The following SULT2B1 variants were observed in gnomAD, a reference collection of about 807,000 sequenced individuals.
SULT2B1 encodes sulfotransferase family 2B member 1.
A neutral mutation model predicts 33.2 loss-of-function variants in SULT2B1; 16 were observed. The observed-to-expected ratio is 0.48, with a 90% confidence interval of 0.33 to 0.73. The LOEUF is 0.73. SULT2B1 is among the 30% of genes least tolerant of loss of function. SULT2B1 has a pLI of 0.02. For missense variants in SULT2B1, 500 were observed against 506.0 expected, an observed-to-expected ratio of 0.99 and a Z score of 0.11; for synonymous variants, 186 against 200.5, an observed-to-expected ratio of 0.93 and a Z score of 0.61.
At chr19:48,564,026 G>A (rs780812032) in intron 1 of SULT2B1, among the ~76,000 whole-genome samples, 1 of 150,624 alleles carries the variant, frequency 6.6e-6, no homozygotes, top group African/African-American at 2.4e-5. Flanking sequence ...GGTTGATCAC[G>A]AAGTCAGGAG....
chr19:48,587,126 A>G, intron 2 of SULT2B1, 103 bp from the exon 3 acceptor site: 1 of 872,310 alleles, frequency 1.1e-6, no homozygotes, highest in Admixed American at 2.4e-5. Context: ...AAAAATAATA[A>G]AAGGTGGCAA....
chr19:48,593,860 C>CT (rs1973676533), intron 5 of SULT2B1, among the ~76,000 whole-genome samples: 1 of 150,938 alleles, frequency 6.6e-6, no homozygotes, highest in African/African-American at 2.4e-5. Context: ...TCTTGAACTC[C>CT]TGACCTCAGG....
chr19:48,588,892 T>C (rs554002495), intron 3 of SULT2B1, among the ~76,000 whole-genome samples: 2 of 151,798 alleles, frequency 1.3e-5, no homozygotes, highest in Non-Finnish European at 2.9e-5. Context: ...CGGAGCCAAG[T>C]GAGCAAGTGG....
chr19:48,564,910 C>G (rs950723626), intron 1 of SULT2B1, among the ~76,000 whole-genome samples: 7 of 151,904 alleles, frequency 4.6e-5, no homozygotes, highest in Non-Finnish European at 1.0e-4. Context: ...TCTGCCTCAG[C>G]CTCCCGAGTA....
At chr19:48,575,085 ACT>A (rs1218907796) in intron 1 of SULT2B1, among the ~76,000 whole-genome samples, 2 of 136,548 alleles carry the variant, frequency 1.5e-5, no homozygotes, top group African/African-American at 5.5e-5. Flanking sequence ...ACTATGAGCT[ACT>A]CTCTGTTTTA....
At chr19:48,553,710 A>G (rs1435128618) in intron 1 of SULT2B1, among the ~76,000 whole-genome samples, 1 of 152,062 alleles carries the variant, frequency 6.6e-6, no homozygotes, top group Non-Finnish European at 1.5e-5. Context: ...GACTCCAGAG[A>G]CAGGAGCAGT....
intron 5 of SULT2B1, 43 bp downstream of exon 5, chr19:48,592,859 C>T (rs574872007): frequency 1.3e-6 from 2 of 1,499,590 alleles, no homozygotes; most frequent in South Asian, 1.2e-5. Context: ...CCCCCATACC[C>T]TCTGCTCACA....
At chr19:48,553,699 G>T (rs555106674) in intron 1 of SULT2B1, among the ~76,000 whole-genome samples, 1 of 152,242 alleles carries the variant, frequency 6.6e-6, no homozygotes, top group South Asian at 2.1e-4. Flanking sequence ...TGGGTGCCTG[G>T]GACTCCAGAG....
At chr19:48,572,884 C>T (rs558956593) in intron 1 of SULT2B1, among the ~76,000 whole-genome samples, 2 of 152,072 alleles carry the variant, frequency 1.3e-5, no homozygotes, top group Non-Finnish European at 2.9e-5. Flanking sequence ...CTGCTGGGCA[C>T]GGTGGCTCAT....
chr19:48,566,981 C>T lies in SULT2B1; in HGVS notation c.72-8960C>T, dbSNP rs142948747. ...TTGTGTCACTGCACTCCAACCTGGG[C>T]GATAGAGCAAGACTCTGTTTTAAAA... On this transcript the variant is annotated intron_variant, in intron 1 of 6. Transcript: ENST00000201586. Among the ~76,000 whole-genome samples, 752 of 151,660 alleles carry T rather than the reference C, an allele frequency of 5.0e-3. 3 individuals are homozygous for T. The highest frequency in any genetic ancestry group is 8.4e-3 in the Non-Finnish European group (571 of 67,928).
Position 48,599,368 on chromosome 19 carries a change from G to C in SULT2B1, c.1060G>C (p.Gly354Arg). 1.3e-6 allele frequency: 2 copies of C among 1,566,306 alleles called. No individual in the cohort carries two copies. The highest frequency in any genetic ancestry group is 1.7e-6 in the Non-Finnish European group (2 of 1,155,556). ...CAACTCCAGCCCCAGCCCCAGCCCC[G>C]GCCAGGCCTCTGAGACCCCGCACCC... ...RPNSSPSPSP[G>R]QASETPHPRP... The change falls in exon 7 of 7, where the codon GGC becomes CGC. Residue 354 changes from glycine (G) to arginine (R), a missense_variant. Coordinates refer to ENST00000201586, the MANE Select transcript of SULT2B1 (RefSeq NM_177973.2). The surrounding 1 kb of genome is among the most constrained non-coding windows in gnomAD (Gnocchi z 4.1).
rs115703666 is a variant in SULT2B1, at chr19:48,573,374, G to A, written c.72-2567G>A. 7.8e-3 allele frequency among the ~76,000 whole-genome samples: 1,192 copies of A among 152,122 alleles called. 12 individuals are homozygous for A. The highest frequency in any genetic ancestry group is 0.027 in the African/African-American group (1,125 of 41,500). On this transcript the variant is annotated intron_variant, in intron 1 of 6. Coordinates refer to ENST00000201586, the MANE Select transcript of SULT2B1 (RefSeq NM_177973.2). Reference sequence around the variant, plus strand: ...GATATCAGCACGCCAGGCCCTGGACGTGTTTTGTGGGAACAAACAGGCCTG... The same window carrying A: ...GATATCAGCACGCCAGGCCCTGGACATGTTTTGTGGGAACAAACAGGCCTG...
intron 2 of SULT2B1, among the ~76,000 whole-genome samples, chr19:48,582,905 C>T (rs987567207): frequency 6.7e-6 from 1 of 149,840 alleles, no homozygotes; most frequent in Non-Finnish European, 1.5e-5. Context: ...GTAATCCCAG[C>T]ACTTTGGGAG....
intron 1 of SULT2B1, among the ~76,000 whole-genome samples, chr19:48,567,617 A>G (rs2665605): frequency 0.13 from 20,500 of 152,114 alleles, 1,516 homozygotes; most frequent in African/African-American, 0.17. Flanking sequence ...GGAAGGACAT[A>G]GCACAGGGAA....
At chr19:48,557,241 A>G (rs1973110964) in intron 1 of SULT2B1, among the ~76,000 whole-genome samples, 1 of 136,200 alleles carries the variant, frequency 7.3e-6, no homozygotes, top group African/African-American at 3.7e-5. Flanking sequence ...ATGAATTATG[A>G]GAAATTTAAT....
At chr19:48,587,092 A>G in intron 2 of SULT2B1, 137 bp from the exon 3 acceptor site, 1 of 630,992 alleles carries the variant, frequency 1.6e-6, no homozygotes, top group Admixed American at 3.2e-5. Context: ...AGCGTGGGCA[A>G]CAGAGTAAGA....
chr19:48,571,228 C>T (rs1198658740), intron 1 of SULT2B1, among the ~76,000 whole-genome samples: 4 of 111,694 alleles, frequency 3.6e-5, no homozygotes, highest in Non-Finnish European at 7.8e-5. Context: ...GATGGAGTTT[C>T]GCTCTGTCCC....
At chr19:48,565,052 G>A (rs761990783) in intron 1 of SULT2B1, among the ~76,000 whole-genome samples, 4 of 151,594 alleles carry the variant, frequency 2.6e-5, no homozygotes, top group Admixed American at 6.6e-5. Flanking sequence ...GCCTCCCAAA[G>A]TGCTGGGATT....
At chr19:48,555,901 G>A (rs977048364) in intron 1 of SULT2B1, among the ~76,000 whole-genome samples, 1 of 151,940 alleles carries the variant, frequency 6.6e-6, no homozygotes, top group South Asian at 2.1e-4. Context: ...TACCATGCCC[G>A]GCTAATTTTT....
Sources: allele counts gnomAD v4.1 joint callset (sites outside exome capture counted in the v4.1 genomes callset), GRCh38; gene constraint gnomAD v4.1.1; non-coding constraint Gnocchi (gnomAD v3.1); transcripts MANE v1.5; gene names NCBI Gene and HGNC (gene_info 2026-07-23, HGNC 2026-07-21).